ADAM12: variants seen among roughly 807,000 people sequenced by gnomAD.
ADAM12 encodes the protein ADAM metallopeptidase domain 12, also known as disintegrin and metalloproteinase domain-containing protein 12.
In ADAM12, 70 loss-of-function variants were observed where a neutral mutation model predicts 106.4. That is an observed-to-expected ratio of 0.66 (90% CI 0.54 to 0.80). The LOEUF is 0.80. Among genes scored for constraint, ADAM12 ranks in the 30% least tolerant of loss-of-function variants. The pLI is 0.00. For missense variants in ADAM12, 1,010 were observed against 1,171.9 expected, an observed-to-expected ratio of 0.86 and a Z score of 2.02; for synonymous variants, 420 against 433.5, an observed-to-expected ratio of 0.97 and a Z score of 0.39.
intron 6 of ADAM12, 40 bp downstream of exon 6, chr10:126,117,998 C>G: frequency 6.2e-7 from 1 of 1,604,030 alleles, no homozygotes; most frequent in Admixed American, 1.7e-5. Context: ...AGCTTGAGCT[C>G]CTAGCTTTCC....
intron 3 of ADAM12, among the ~76,000 whole-genome samples, chr10:126,253,412 T>C (rs375862622): frequency 1.1e-4 from 16 of 152,344 alleles, no homozygotes; most frequent in African/African-American, 3.6e-4. Context: ...TTTAGCATGA[T>C]TTATGCTCGC....
intron 1 of ADAM12, among the ~76,000 whole-genome samples, chr10:126,363,418 T>C (rs1053696291): frequency 3.3e-5 from 5 of 152,190 alleles, no homozygotes; most frequent in Admixed American, 6.5e-5. Flanking sequence ...ACTTTAGGAT[T>C]ATGGCTGATT....
chr10:126,314,156 G>C (rs1472433138), intron 2 of ADAM12, among the ~76,000 whole-genome samples: 1 of 152,210 alleles, frequency 6.6e-6, no homozygotes, highest in Non-Finnish European at 1.5e-5. Flanking sequence ...ACCTGAGCAG[G>C]TTGGCAGGAG....
At chr10:126,122,037 G>C (rs947143112) in intron 5 of ADAM12, among the ~76,000 whole-genome samples, 1 of 152,080 alleles carries the variant, frequency 6.6e-6, no homozygotes, top group South Asian at 2.1e-4. Context: ...CGAGATATCC[G>C]GGACAATTAG....
At chr10:126,140,021 T>A (rs1956481283) in intron 4 of ADAM12, among the ~76,000 whole-genome samples, 1 of 152,156 alleles carries the variant, frequency 6.6e-6, no homozygotes, top group Admixed American at 6.5e-5. Flanking sequence ...AGGCCGGGCT[T>A]CCCTGGTAGG....
chr10:126,326,204 ATT>A (rs5788782), intron 2 of ADAM12, among the ~76,000 whole-genome samples: 41 of 147,234 alleles, frequency 2.8e-4, no homozygotes, highest in African/African-American at 3.5e-4. Context: ...ACCGGGGAGT[ATT>A]TTTTTTTTTT....
chr10:126,110,427 G>A (rs1030723693), intron 6 of ADAM12, among the ~76,000 whole-genome samples: 1 of 151,928 alleles, frequency 6.6e-6, no homozygotes, highest in Non-Finnish European at 1.5e-5. Context: ...GGGTGGTCTG[G>A]AGAAAAGGAA....
At chr10:126,375,742 CT>C (rs34064275) in intron 1 of ADAM12, among the ~76,000 whole-genome samples, 35,788 of 140,192 alleles carry the variant, frequency 0.26, 4,696 homozygotes, top group Middle Eastern at 0.33. Flanking sequence ...TCTTCTTCTT[CT>C]TTTTTTTTTT....
intron 22 of ADAM12, among the ~76,000 whole-genome samples, chr10:126,019,389 C>T (rs1353401420): frequency 2.3e-5 from 3 of 131,946 alleles, no homozygotes; most frequent in Non-Finnish European, 5.3e-5. Context: ...CTTGGTAGCT[C>T]CTCTTTTTCT....
At position 126,375,310 on chromosome 10, in the gene ADAM12, T is replaced by C. The variant is rs114319044; in HGVS notation, c.88+12748A>G. 9.6e-3 allele frequency among the ~76,000 whole-genome samples: 1,451 copies of C among 151,694 alleles called. 23 individuals are homozygous for C. Among genetic ancestry groups the C allele is most frequent in the African/African-American group, 0.033 (1,376 of 41,424 alleles). ...AAGGAAAGAAAGGAAACTAGTTGCA[T>C]TGGATAAATCAGCATAAGCCTGGAC... On this transcript the variant is annotated intron_variant, in intron 1 of 22. Transcript: ENST00000448723.
At chr10:126,092,900 C>T (rs1378776770) in intron 11 of ADAM12, among the ~76,000 whole-genome samples, 2 of 152,176 alleles carry the variant, frequency 1.3e-5, no homozygotes, top group Admixed American at 1.3e-4. Flanking sequence ...TCCCAGGAGG[C>T]CCACAAGGCT....
intron 14 of ADAM12, among the ~76,000 whole-genome samples, chr10:126,058,413 C>T (rs1176085052): frequency 2.0e-5 from 3 of 152,220 alleles, no homozygotes; most frequent in African/African-American, 7.2e-5. Flanking sequence ...TTTTCTATGT[C>T]TCTGGATTTC....
intron 11 of ADAM12, among the ~76,000 whole-genome samples, chr10:126,088,345 C>T (rs962890815): frequency 5.1e-4 from 77 of 152,180 alleles, no homozygotes; most frequent in African/African-American, 1.8e-3. Flanking sequence ...CTGTTGACCT[C>T]ATTTCCTGTA....
chr10:126,125,341 T>A (rs1956187672), intron 5 of ADAM12, among the ~76,000 whole-genome samples: 1 of 150,552 alleles, frequency 6.6e-6, no homozygotes, highest in Non-Finnish European at 1.5e-5. Flanking sequence ...GACTCCCTGG[T>A]TCAAGGGATT....
chr10:126,094,767 T>C (rs1955525913), intron 10 of ADAM12, among the ~76,000 whole-genome samples: 1 of 152,168 alleles, frequency 6.6e-6, no homozygotes, highest in Non-Finnish European at 1.5e-5. Flanking sequence ...TCTTGCTGGC[T>C]CTTTGTGTTG....
intron 2 of ADAM12, among the ~76,000 whole-genome samples, chr10:126,319,182 G>T (rs568038246): frequency 6.6e-6 from 1 of 152,286 alleles, no homozygotes; most frequent in African/African-American, 2.4e-5. Context: ...TCACATGCAT[G>T]AGAATTCCAA....
chr10:126,215,387 C>G (rs573141642), intron 3 of ADAM12, among the ~76,000 whole-genome samples: 4 of 152,278 alleles, frequency 2.6e-5, no homozygotes, highest in Admixed American at 6.5e-5. Flanking sequence ...CTCAGGGTTT[C>G]AATCCATGTT....
At chr10:126,352,861 G>A (rs1265017445) in intron 1 of ADAM12, among the ~76,000 whole-genome samples, 1 of 152,204 alleles carries the variant, frequency 6.6e-6, no homozygotes, top group East Asian at 1.9e-4. Flanking sequence ...TGGGATATAA[G>A]AATGTACATT....
chr10:126,267,618 G>A (rs989425484), intron 3 of ADAM12, among the ~76,000 whole-genome samples: 6 of 152,104 alleles, frequency 3.9e-5, no homozygotes, highest in East Asian at 1.9e-4. Context: ...GACAGGGGGC[G>A]GAGCTCAGGC....
Sources: allele counts gnomAD v4.1 joint callset (sites outside exome capture counted in the v4.1 genomes callset), GRCh38; gene constraint gnomAD v4.1.1; transcripts MANE v1.5; gene names NCBI Gene and HGNC (gene_info 2026-07-23, HGNC 2026-07-21).